EBF3: variants seen among roughly 807,000 people sequenced by gnomAD.
EBF3 encodes transcription factor COE3.
Under a neutral mutation model 77.1 loss-of-function variants are expected in EBF3, and 18 were observed. That is an observed-to-expected ratio of 0.23 (90% confidence interval 0.16 to 0.35). The LOEUF is 0.35. Ranked by LOEUF, EBF3 falls within the 10% of genes least tolerant of loss-of-function variation. The pLI is 1.00. For missense variants in EBF3, 558 were observed against 860.0 expected, an observed-to-expected ratio of 0.65 and a Z score of 4.39; for synonymous variants, 350 against 343.5, an observed-to-expected ratio of 1.02 and a Z score of -0.21.
Position 129,840,751 on chromosome 10 carries a change from G to A in EBF3, c.1561+93C>T, listed in dbSNP as rs1371298033. On this transcript the variant is annotated intron_variant, in intron 14 of 16. Transcript: ENST00000440978. Reference sequence around the variant, plus strand: ...GGGCCACCCTTCCTTTTATCCAGTAGCTCACATCACAGAACATCCAAGCAA... The same window carrying A: ...GGGCCACCCTTCCTTTTATCCAGTAACTCACATCACAGAACATCCAAGCAA... The A allele has an allele frequency of 1.0e-5, 15 of 1,496,460 alleles. No homozygotes were observed. In the East Asian group the frequency reaches 3.2e-4, roughly 32 times the overall value. 92.7% of individuals were successfully genotyped at this position (1,496,460 alleles called of 1,614,324 possible).
rs747760012 is a variant in EBF3, at chr10:129,937,195, C to T, written c.554+20063G>A. Among the ~76,000 whole-genome samples the T allele has an allele frequency of 3.5e-4, 54 of 152,262 alleles. 1 individual carries two copies. Among genetic ancestry groups the T allele is most frequent in the South Asian group, 1.5e-3 (7 of 4,824 alleles). Reference sequence around the variant, plus strand: ...AACTGGGATCAGATGGGTGGGACAACCACAGGCCGTAGGGGGCCGGGTCGA... The same window carrying T: ...AACTGGGATCAGATGGGTGGGACAATCACAGGCCGTAGGGGGCCGGGTCGA... On this transcript the variant is annotated intron_variant, in intron 6 of 16. Coordinates refer to ENST00000440978, the MANE Select transcript of EBF3 (RefSeq NM_001375380.1).
chr10:129,929,148 C>T (rs552037755), intron 6 of EBF3, among the ~76,000 whole-genome samples: 8 of 152,214 alleles, frequency 5.3e-5, no homozygotes, highest in East Asian at 3.9e-4. Flanking sequence ...TGGACATATC[C>T]GATGCTATGT....
intron 3 of EBF3, 126 bp downstream of exon 3, chr10:129,962,816 T>C (rs1859628953): frequency 8.9e-7 from 1 of 1,122,758 alleles, no homozygotes; most frequent in East Asian, 2.4e-5. Flanking sequence ...GTTTTCCTTC[T>C]ATGCCATGAG....
At chr10:129,876,402 G>A (rs1258253612) in intron 7 of EBF3, among the ~76,000 whole-genome samples, 2 of 152,202 alleles carry the variant, frequency 1.3e-5, no homozygotes, top group Admixed American at 6.5e-5. Context: ...CTGCTTAGAA[G>A]GATCAATATC....
chr10:129,894,255 T>C (rs760697582), intron 6 of EBF3, among the ~76,000 whole-genome samples: 9 of 152,228 alleles, frequency 5.9e-5, no homozygotes, highest in Non-Finnish European at 1.3e-4. Context: ...CCTGATTTCA[T>C]AATGAATAAC....
chr10:129,917,417 C>A (rs1855953602), intron 6 of EBF3, among the ~76,000 whole-genome samples: 1 of 151,938 alleles, frequency 6.6e-6, no homozygotes, highest in South Asian at 2.1e-4. Context: ...GCATATTCCA[C>A]CTCGGCATTT....
chr10:129,944,730 A>T lies in EBF3; in HGVS notation c.554+12528T>A, dbSNP rs1300297081. ...ATGAATCTCATTTTATGCGATTAAG[A>T]TCCATAAAAATTCAATAGCTTTTCT... On this transcript the variant is annotated intron_variant, in intron 6 of 16. Transcript: ENST00000440978. This position sits in a 1 kb window ranked among gnomAD's most constrained non-coding sequence, Gnocchi z 5.1. Among the ~76,000 whole-genome samples, 3 of 152,056 alleles carry T rather than the reference A, an allele frequency of 2.0e-5. No homozygotes were observed. The highest frequency in any genetic ancestry group is 4.4e-5 in the Non-Finnish European group (3 of 68,026).
At position 129,841,042 on chromosome 10, in the gene EBF3, T is replaced by TTCCC. The variant is rs1554892382; in HGVS notation, c.1373-11_1373-10insGGGA. The TTCCC allele has an allele frequency of 8.6e-6, 13 of 1,510,194 alleles. 1 individual carries two copies. In the South Asian group the frequency reaches 1.4e-4, roughly 17 times the overall value. 93.5% of individuals were successfully genotyped at this position (1,510,194 alleles called of 1,614,324 possible). On this transcript the variant is annotated splice_polypyrimidine_tract_variant and intron_variant, in intron 13 of 16. Coordinates refer to ENST00000440978, the MANE Select transcript of EBF3 (RefSeq NM_001375380.1). This position sits in a 1 kb window ranked among gnomAD's most constrained non-coding sequence, Gnocchi z 4.6. Reference sequence around the variant, plus strand: ...TTGCGACTGTAGCCGACTGTTGAAATCCCCCCCCCGGCCAAAAATAACATT... The same window carrying TTCCC: ...TTGCGACTGTAGCCGACTGTTGAAATTCCCCCCCCCCCCGGCCAAAAATAACATT...
intron 6 of EBF3, among the ~76,000 whole-genome samples, chr10:129,889,946 C>CTTTTTTTTTTT (rs10665456): frequency 9.7e-5 from 8 of 82,892 alleles, no homozygotes; most frequent in East Asian, 5.0e-4. Flanking sequence ...ATTGAAGTGC[C>CTTTTTTTTTTT]TTTTTTTTTT....
intron 15 of EBF3, 71 bp downstream of exon 15, chr10:129,840,174 C>T (rs1849917858): frequency 6.9e-7 from 1 of 1,457,540 alleles, no homozygotes; most frequent in Non-Finnish European, 9.2e-7. Context: ...AAGGCCGAGC[C>T]CCCACCCCCA....
At position 129,837,838 on chromosome 10, in the gene EBF3, C is replaced by G. The variant is rs1391318377; in HGVS notation, c.*105G>C. The G allele has an allele frequency of 3.4e-6, 5 of 1,464,218 alleles. No homozygotes were observed. The highest frequency in any genetic ancestry group is 4.7e-6 in the Non-Finnish European group (5 of 1,057,006). 90.7% of individuals were successfully genotyped at this position (1,464,218 alleles called of 1,614,324 possible). ...ATTGCTGCTGATTTTTTTGAAGATA[C>G]TGTTTCCATCAGCATGTCTTAATAT... On this transcript the variant is annotated 3_prime_UTR_variant, in exon 17 of 17. Transcript: ENST00000440978.
chr10:129,842,762 T>TTA lies in EBF3; in HGVS notation c.1194+374_1194+375insTA, dbSNP rs570111888. On this transcript the variant is annotated intron_variant, in intron 12 of 16. Coordinates refer to ENST00000440978, the MANE Select transcript of EBF3 (RefSeq NM_001375380.1). The surrounding 1 kb of genome is among the most constrained non-coding windows in gnomAD (Gnocchi z 4.4). ...CTGGGTGACAGAGCAAGACCCTGTC[T>TTA]AAAAAAAAAAAAAAAAAAAGGGAGC... 8.7e-4 allele frequency among the ~76,000 whole-genome samples: 98 copies of TTA among 112,692 alleles called. No homozygotes were observed. In the East Asian group the frequency reaches 0.024, roughly 28 times the overall value. The allele number at this position is 112,692 out of a possible 152,430, so 73.9% of individuals were successfully genotyped here.
intron 6 of EBF3, among the ~76,000 whole-genome samples, chr10:129,922,281 TC>T (rs1214844278): frequency 6.6e-6 from 1 of 151,758 alleles, no homozygotes; most frequent in South Asian, 2.1e-4. Flanking sequence ...GTGGGATGCA[TC>T]CCCCCAGCCA....
At chr10:129,892,650 G>C (rs1854101123) in intron 6 of EBF3, among the ~76,000 whole-genome samples, 1 of 152,208 alleles carries the variant, frequency 6.6e-6, no homozygotes, top group Non-Finnish European at 1.5e-5. Flanking sequence ...TACATAAATA[G>C]AGTATGATTA....
intron 6 of EBF3, among the ~76,000 whole-genome samples, chr10:129,915,495 CACAA>C (rs72252536): frequency 0.22 from 23,720 of 107,916 alleles, 1,960 homozygotes; most frequent in South Asian, 0.28. Context: ...CACACACACA[CACAA>C]AAAAGCCAAG....
intron 6 of EBF3, among the ~76,000 whole-genome samples, chr10:129,905,746 G>A (rs554619453): frequency 6.6e-6 from 1 of 152,260 alleles, no homozygotes; most frequent in East Asian, 1.9e-4. Context: ...CTTCCCAACC[G>A]TTGCAGGTCC....
rs1025604642 is a variant in EBF3, at chr10:129,962,878, T to C, written c.355+64A>G. On this transcript the variant is annotated intron_variant, in intron 3 of 16. Coordinates refer to ENST00000440978, the MANE Select transcript of EBF3 (RefSeq NM_001375380.1). ...TTTTAATCTCAAATCTTTATGTCCTTTCACCAGCGCAGAAAAGGAGAGCCA... is the reference window on the plus strand; with the variant it reads ...TTTTAATCTCAAATCTTTATGTCCTCTCACCAGCGCAGAAAAGGAGAGCCA... The C allele has an allele frequency of 4.7e-5, 74 of 1,581,026 alleles. No homozygotes were observed. The Admixed American group carries it at 1.2e-3, about 25-fold the overall frequency.
chr10:129,963,191 G>A lies in EBF3; in HGVS notation c.291+176C>T. On this transcript the variant is annotated intron_variant, in intron 2 of 16. Transcript: ENST00000440978. This position sits in a 1 kb window ranked among gnomAD's most constrained non-coding sequence, Gnocchi z 7.1. ...TCTCCTCGCCCCGAGTAAGTCCGAG[G>A]GCGCAGAGAAGTTGCCCAGCCCTCG... 1 of 1,156,034 alleles carries A rather than the reference G, an allele frequency of 8.7e-7. No individual in the cohort carries two copies. Among genetic ancestry groups the A allele is most frequent in the East Asian group, 2.7e-5 (1 of 36,452 alleles). The allele number at this position is 1,156,034 out of a possible 1,614,324, so 71.6% of individuals were successfully genotyped here.
chr10:129,904,343 G>A (rs1163752496), intron 6 of EBF3, among the ~76,000 whole-genome samples: 1 of 152,154 alleles, frequency 6.6e-6, no homozygotes, highest in Non-Finnish European at 1.5e-5. Flanking sequence ...ATAATCATTT[G>A]TTTCTCCCAC....
Sources: gnomAD v4.1 joint callset for allele counts (sites outside exome capture counted in the v4.1 genomes callset) on GRCh38, gnomAD v4.1.1 for gene constraint, Gnocchi (gnomAD v3.1) non-coding constraint, MANE v1.5 for transcripts, NCBI Gene and HGNC (gene_info 2026-07-23, HGNC 2026-07-21) for gene names.